Variants in ADGRL3 observed in about 807,000 individuals in gnomAD.
The protein encoded by ADGRL3 is calcium-independent alpha-latrotoxin receptor 3.
Under a neutral mutation model 153.5 loss-of-function variants are expected in ADGRL3, and 62 were observed. The observed-to-expected ratio is 0.40, with a 90% CI of 0.33 to 0.50. The LOEUF (loss-of-function observed/expected upper bound fraction) is 0.50, where lower values mean the gene tolerates loss of function less well. ADGRL3 is among the 20% of genes least tolerant of loss of function. The pLI, the probability that ADGRL3 is intolerant of heterozygous loss-of-function variation, is 0.47. For missense variants in ADGRL3, 1,641 were observed against 1,859.4 expected, an observed-to-expected ratio of 0.88 and a Z score of 2.16; for synonymous variants, 710 against 672.5, an observed-to-expected ratio of 1.06 and a Z score of -0.86.
At chr4:62,029,508 C>T (rs368320572) in intron 22 of ADGRL3, among the ~76,000 whole-genome samples, 60 of 151,700 alleles carry the variant, frequency 4.0e-4, no homozygotes, top group South Asian at 2.5e-3. Context: ...CAAATATGAA[C>T]ATAAATGTTA....
chr4:61,214,570 C>G (rs1214021784), intron 1 of ADGRL3, among the ~76,000 whole-genome samples: 1 of 152,142 alleles, frequency 6.6e-6, no homozygotes, highest in Admixed American at 6.5e-5. Flanking sequence ...AACATTTTGG[C>G]TTATAATGAG....
At chr4:61,798,402 C>T (rs548414841) in intron 8 of ADGRL3, among the ~76,000 whole-genome samples, 1 of 152,192 alleles carries the variant, frequency 6.6e-6, no homozygotes. Flanking sequence ...TGTGTGTCTA[C>T]ATTTACATAC....
intron 4 of ADGRL3, among the ~76,000 whole-genome samples, chr4:61,521,705 AC>A (rs2098532229): frequency 6.6e-6 from 1 of 152,040 alleles, no homozygotes; most frequent in South Asian, 2.1e-4. Flanking sequence ...AAAGGAGAAA[AC>A]CAAGTATCTG....
intron 4 of ADGRL3, among the ~76,000 whole-genome samples, chr4:61,582,576 A>G (rs1216992617): frequency 6.6e-6 from 1 of 151,698 alleles, no homozygotes; most frequent in East Asian, 1.9e-4. Flanking sequence ...ATTTTCTTTA[A>G]CCAGTCTACC....
intron 2 of ADGRL3, among the ~76,000 whole-genome samples, chr4:61,454,206 T>G (rs1393243699): frequency 6.6e-6 from 1 of 152,140 alleles, no homozygotes; most frequent in Non-Finnish European, 1.5e-5. Flanking sequence ...AGGTTTTAAT[T>G]AAACAACTCC....
At chr4:61,720,724 T>G (rs1012006005) in intron 6 of ADGRL3, among the ~76,000 whole-genome samples, 2 of 152,212 alleles carry the variant, frequency 1.3e-5, no homozygotes, top group African/African-American at 4.8e-5. Context: ...GTAGCATAGT[T>G]TCTGCCTTTG....
At chr4:61,595,556 T>C (rs2098985584) in intron 5 of ADGRL3, among the ~76,000 whole-genome samples, 1 of 152,170 alleles carries the variant, frequency 6.6e-6, no homozygotes, top group Admixed American at 6.6e-5. Context: ...GTCCTTTTTC[T>C]TCTTCACTCT....
At chr4:61,896,626 T>C (rs1234335472) in intron 11 of ADGRL3, among the ~76,000 whole-genome samples, 2 of 152,166 alleles carry the variant, frequency 1.3e-5, no homozygotes. Context: ...TGTATAATAA[T>C]CCATAAATAT....
In ADGRL3 at chr4:61,839,317, A is replaced by G. The variant is rs962534802; in HGVS notation, c.1480+25428A>G. Among the ~76,000 whole-genome samples, 4 of 151,994 alleles carry G rather than the reference A, an allele frequency of 2.6e-5. 1 individual carries two copies. The highest frequency in any genetic ancestry group is 9.7e-5 in the African/African-American group (4 of 41,384). On this transcript the variant is annotated intron_variant, in intron 9 of 26. Coordinates refer to ENST00000683033, the MANE Select transcript of ADGRL3 (RefSeq NM_001387552.1). ...GGGATCCTCTCACCTCAGCCTCCTG[A>G]GTAGCTAGTCCCACAGGCATGCAAC...
intron 17 of ADGRL3, among the ~76,000 whole-genome samples, chr4:61,954,664 C>G (rs1382901998): frequency 6.6e-6 from 1 of 152,008 alleles, no homozygotes; most frequent in African/African-American, 2.4e-5. Context: ...CTTGCCTTTC[C>G]ACAAAAACAT....
At chr4:61,478,963 G>A (rs1484939589) in intron 2 of ADGRL3, among the ~76,000 whole-genome samples, 2 of 151,938 alleles carry the variant, frequency 1.3e-5, no homozygotes, top group African/African-American at 4.8e-5. Context: ...TGTAATGTGG[G>A]TCATATAGAA....
chr4:61,745,031 G>A (rs1009195987), intron 8 of ADGRL3, among the ~76,000 whole-genome samples: 1 of 152,188 alleles, frequency 6.6e-6, no homozygotes, highest in Admixed American at 6.5e-5. Context: ...GGAGCTGATG[G>A]AGCTGAGAAC....
At chr4:61,341,644 A>G (rs1297698075) in intron 1 of ADGRL3, among the ~76,000 whole-genome samples, 1 of 152,002 alleles carries the variant, frequency 6.6e-6, no homozygotes, top group Non-Finnish European at 1.5e-5. Flanking sequence ...TTGTTATTTC[A>G]AAATTTATCT....
At chr4:61,955,109 A>G (rs2098961300) in intron 17 of ADGRL3, among the ~76,000 whole-genome samples, 2 of 152,196 alleles carry the variant, frequency 1.3e-5, no homozygotes, top group African/African-American at 4.8e-5. Flanking sequence ...ATAGTGGGTT[A>G]GCGTAGGTGT....
chr4:61,676,692 G>T, intron 5 of ADGRL3, 134 bp from the exon 6 acceptor site: 1 of 650,958 alleles, frequency 1.5e-6, no homozygotes, highest in South Asian at 1.9e-5. Flanking sequence ...TTTCTTAATA[G>T]GCCTAAAGCC....
At chr4:61,476,708 T>TAAAAAAAAAAAAAAAAAAAAAAAAAAA (rs34866230) in intron 2 of ADGRL3, among the ~76,000 whole-genome samples, 2 of 33,558 alleles carry the variant, frequency 6.0e-5, no homozygotes, top group Admixed American at 6.2e-4. Context: ...AGACTCTGTC[T>TAAAAAAAAAAAAAAAAAAAAAAAAAAA]AAAAAAAAAA....
chr4:61,690,214 G>T (rs951837148), intron 6 of ADGRL3, among the ~76,000 whole-genome samples: 7 of 152,132 alleles, frequency 4.6e-5, no homozygotes, highest in Non-Finnish European at 1.5e-5. Context: ...GAAGGCCAAG[G>T]CGGGAGGATG....
chr4:62,051,307 A>G (rs1411976732), intron 25 of ADGRL3, among the ~76,000 whole-genome samples: 1 of 151,408 alleles, frequency 6.6e-6, no homozygotes, highest in Non-Finnish European at 1.5e-5. Flanking sequence ...AAGGCAAAAT[A>G]GGCTCAGATT....
intron 4 of ADGRL3, chr4:61,583,575 A>G (rs2098934638): frequency 2.1e-6 from 1 of 482,240 alleles, no homozygotes; most frequent in Non-Finnish European, 4.1e-6. Context: ...TTAATATGTG[A>G]TCAAAAGCAC....
Sources: gnomAD v4.1 joint callset for allele counts (sites outside exome capture counted in the v4.1 genomes callset) on GRCh38, gnomAD v4.1.1 for gene constraint, MANE v1.5 for transcripts, NCBI Gene and HGNC (gene_info 2026-07-23, HGNC 2026-07-21) for gene names.